Variants in KIF1B observed in about 807,000 individuals in gnomAD.
KIF1B encodes kinesin family member 1B, also known as kinesin-like protein KIF1B.
In KIF1B, 76 loss-of-function variants were observed where a neutral mutation model predicts 241.9. The ratio of observed to expected loss-of-function variants is 0.31; its 90% CI spans 0.26 to 0.38. The LOEUF (loss-of-function observed/expected upper bound fraction) is 0.38, where lower values mean the gene tolerates loss of function less well. KIF1B is among the 10% of genes least tolerant of loss of function. The pLI is 1.00. For synonymous variants in KIF1B, 750 were observed against 796.7 expected (o/e 0.94, Z 0.99); for missense variants, 1,622 against 2,271.4 (o/e 0.71, Z 5.81).
intron 1 of KIF1B, among the ~76,000 whole-genome samples, chr1:10,223,981 T>G (rs1465875859): frequency 6.6e-6 from 1 of 152,226 alleles, no homozygotes; most frequent in Non-Finnish European, 1.5e-5. Context: ...TTTTGTGTTT[T>G]TTTGCAGAAA....
rs1397391123 is a variant in KIF1B, at chr1:10,375,009, A to G, written c.5252A>G (p.Gln1751Arg). 1 of 1,614,170 alleles carries G rather than the reference A, an allele frequency of 6.2e-7. No homozygotes were observed. Among genetic ancestry groups the G allele is most frequent in the African/African-American group, 1.3e-5 (1 of 75,052 alleles). Residue 1751 changes from glutamine (Q) to arginine (R), a missense_variant, in exon 47 of 49, where the codon CAG (glutamine) becomes CGG (arginine). Gln to Arg is a conservative substitution (Grantham distance 43). Transcript: ENST00000676179. ...GGAATCATTAACCTGTCCACAGCACAGGTGGAGTACAGTGAGGACCAGCAG... is the reference window on the plus strand; with the variant it reads ...GGAATCATTAACCTGTCCACAGCACGGGTGGAGTACAGTGAGGACCAGCAG... ...ERGIINLSTA[Q>R]VEYSEDQQAM...
rs34161257 is a variant in KIF1B, at chr1:10,365,059, A to AT, written c.4367-33dup. On this transcript the variant is annotated intron_variant, in intron 41 of 48. Coordinates refer to ENST00000676179, the MANE Select transcript of KIF1B (RefSeq NM_001365951.3). This position sits in a 1 kb window ranked among gnomAD's most constrained non-coding sequence, Gnocchi z 4.0. The stretch of plus-strand genomic sequence containing the variant: ...CGTTTTGACCTAAACTTGGAATTGA[A>AT]TTTTTTTTCTGAAACAAAAACTTGT... 4.4e-6 allele frequency: 7 copies of AT among 1,592,570 alleles called. No homozygotes were observed. The highest frequency in any genetic ancestry group is 2.7e-5 in the African/African-American group (2 of 73,714).
intron 7 of KIF1B, 149 bp from the exon 8 acceptor site, chr1:10,271,353 G>T: frequency 1.4e-6 from 1 of 721,178 alleles, no homozygotes; most frequent in East Asian, 2.6e-5. Context: ...GATAGATGTT[G>T]TCTTGATCTT....
chr1:10,326,104 T>C lies in KIF1B; in HGVS notation c.2676-7T>C, dbSNP rs774505807. ...CTGTGTTAATTGGCGTCTTACCTGG[T>C]GTCTAGCTCCCCCATTTTCCACGGC... is the stretch of plus-strand genomic sequence containing the variant. On this transcript the variant is annotated splice_region_variant and splice_polypyrimidine_tract_variant and intron_variant, in intron 26 of 48. Coordinates refer to ENST00000676179, the MANE Select transcript of KIF1B (RefSeq NM_001365951.3). This position sits in a 1 kb window ranked among gnomAD's most constrained non-coding sequence, Gnocchi z 5.2. 9.3e-6 allele frequency: 15 copies of C among 1,613,826 alleles called. No homozygotes were observed. The East Asian group carries it at 3.3e-4, about 36-fold the overall frequency.
intron 2 of KIF1B, among the ~76,000 whole-genome samples, chr1:10,249,489 T>TAG (rs1647322532): frequency 6.6e-6 from 1 of 152,196 alleles, no homozygotes; most frequent in Non-Finnish European, 1.5e-5. Context: ...TAGGGCAGTA[T>TAG]AGAGGATCCA....
At chr1:10,345,041 A>G (rs1652538387) in intron 34 of KIF1B, 1 of 152,284 alleles carries the variant, frequency 6.6e-6, no homozygotes, top group South Asian at 2.1e-4. Flanking sequence ...AAAAAATGCA[A>G]AAATTAGCCG....
chr1:10,281,378 A>G (rs1474613466), intron 14 of KIF1B, among the ~76,000 whole-genome samples: 3 of 152,146 alleles, frequency 2.0e-5, no homozygotes, highest in Admixed American at 2.0e-4. Flanking sequence ...CAAATTAATT[A>G]ATTTTGTTGT....
intron 11 of KIF1B, among the ~76,000 whole-genome samples, chr1:10,275,881 A>C (rs566672696): frequency 4.0e-5 from 6 of 151,762 alleles, no homozygotes; most frequent in African/African-American, 1.2e-4. Flanking sequence ...CAGACCTTCA[A>C]ATCACTGTTC....
At position 10,304,436 on chromosome 1, in the gene KIF1B, T is replaced by C. The variant is rs768987945; in HGVS notation, c.2115+7190T>C. On this transcript the variant is annotated intron_variant, in intron 22 of 48. Transcript: ENST00000676179. ...CACAGTGGTCACCCCACTGCTGATG[T>C]ACAGACTTTCCAGGCAAAGCGCCAT... 3 of 1,612,564 alleles carry C rather than the reference T, an allele frequency of 1.9e-6. No homozygotes were observed. The Admixed American group carries it at 5.0e-5, about 27-fold the overall frequency.
In KIF1B at chr1:10,345,966, TAATA is replaced by T; in HGVS notation, c.3797+17_3797+20del. 1 of 1,548,310 alleles carries T rather than the reference TAATA, an allele frequency of 6.5e-7. No individual in the cohort carries two copies. Among genetic ancestry groups the T allele is most frequent in the Non-Finnish European group, 8.9e-7 (1 of 1,120,492 alleles). ...AGCCTACAGGAGAGTAAGTCCAACT[TAATA>T]AATTTTTAAATAAGGCAAAATGTTT... On this transcript the variant is annotated intron_variant, in intron 35 of 48. Transcript: ENST00000676179.
Position 10,271,574 on chromosome 1 carries a change from T to A in KIF1B, c.793T>A (p.Leu265Ile). 6.2e-7 allele frequency: 1 copy of A among 1,610,444 alleles called. No homozygotes were observed. Among genetic ancestry groups the A allele is most frequent in the Non-Finnish European group, 8.5e-7 (1 of 1,176,642 alleles). Reference sequence around the variant, plus strand: ...TTCAACTGGTGCCAAAGGGACTCGATTAAAGGTATTTATTTTAGCAAATAA... The same window carrying A: ...TTCAACTGGTGCCAAAGGGACTCGAATAAAGGTATTTATTTTAGCAAATAA... ...ADSTGAKGTRLKEGANINKSL... is the reference protein window; with the variant it reads ...ADSTGAKGTRIKEGANINKSL... Residue 265 changes from leucine to isoleucine, a missense_variant, in exon 8 of 49, where the codon TTA becomes ATA. Leu to Ile is a conservative substitution (Grantham distance 5). Transcript: ENST00000676179.
At chr1:10,220,442 T>G (rs1263913158) in intron 1 of KIF1B, among the ~76,000 whole-genome samples, 1 of 144,730 alleles carries the variant, frequency 6.9e-6, no homozygotes, top group Non-Finnish European at 1.5e-5. Context: ...TAGATAGATA[T>G]GTACTAAATG....
chr1:10,280,906 G>A (rs940414055), intron 14 of KIF1B, among the ~76,000 whole-genome samples: 2 of 152,064 alleles, frequency 1.3e-5, no homozygotes, highest in Non-Finnish European at 2.9e-5. Flanking sequence ...TTTCCATTTT[G>A]ATCTATTTCT....
intron 22 of KIF1B, among the ~76,000 whole-genome samples, chr1:10,317,765 A>G (rs1299266142): frequency 6.7e-6 from 1 of 150,028 alleles, no homozygotes; most frequent in Non-Finnish European, 1.5e-5. Context: ...TGGGAGGCAG[A>G]GGTTGTGGTG....
chr1:10,246,723 G>A (rs770913020), intron 2 of KIF1B, among the ~76,000 whole-genome samples: 1 of 152,058 alleles, frequency 6.6e-6, no homozygotes. Context: ...TAGCCTGCTG[G>A]GCGACAGAGT....
chr1:10,304,807 C>T, intron 22 of KIF1B: 1 of 1,490,988 alleles, frequency 6.7e-7, no homozygotes, highest in South Asian at 1.3e-5. Flanking sequence ...AAAGTTTCAA[C>T]ACCTCCCTTT....
chr1:10,303,305 A>G lies in KIF1B; in HGVS notation c.2115+6059A>G, dbSNP rs756642807. 3 of 1,614,222 alleles carry G rather than the reference A, an allele frequency of 1.9e-6. No individual in the cohort carries two copies. Among genetic ancestry groups the G allele is most frequent in the Non-Finnish European group, 2.5e-6 (3 of 1,180,044 alleles). On this transcript the variant is annotated intron_variant, in intron 22 of 48. Transcript: ENST00000676179. The surrounding 1 kb of genome is among the most constrained non-coding windows in gnomAD (Gnocchi z 5.2). ...AAATGTGGCCTCCCAAGCAGTGGGA[A>G]GAAACGTGAACCAATTAAAATGTAT...
chr1:10,346,944 A>G (rs1384284218), intron 35 of KIF1B, among the ~76,000 whole-genome samples: 1 of 152,228 alleles, frequency 6.6e-6, no homozygotes, highest in African/African-American at 2.4e-5. Flanking sequence ...TGTGACAACC[A>G]AAAATGTCTT....
chr1:10,338,687 A>G (rs1172237668), intron 31 of KIF1B, among the ~76,000 whole-genome samples: 1 of 152,240 alleles, frequency 6.6e-6, no homozygotes, highest in Non-Finnish European at 1.5e-5. Context: ...CTCTGGGGAA[A>G]AGGGCATGTT....
Sources: gnomAD v4.1 joint callset for allele counts (sites outside exome capture counted in the v4.1 genomes callset) on GRCh38, gnomAD v4.1.1 for gene constraint, Gnocchi (gnomAD v3.1) non-coding constraint, MANE v1.5 for transcripts, NCBI Gene and HGNC (gene_info 2026-07-23, HGNC 2026-07-21) for gene names.